The following LRRC7 variants were observed in gnomAD, a reference collection of about 807,000 sequenced individuals.
LRRC7 encodes leucine rich repeat containing 7.
Under a neutral mutation model 175.7 loss-of-function variants are expected in LRRC7, and 23 were observed. The ratio of observed to expected loss-of-function variants is 0.13; its 90% confidence interval spans 0.09 to 0.19. The LOEUF (loss-of-function observed/expected upper bound fraction) is 0.19. Ranked by LOEUF, LRRC7 falls within the 10% of genes least tolerant of loss-of-function variation. The pLI, the probability that LRRC7 is intolerant of heterozygous loss-of-function variation, is 1.00. For synonymous variants in LRRC7, 685 were observed against 680.9 expected (o/e 1.01, Z -0.09); for missense variants, 1,354 against 1,904.7 (o/e 0.71, Z 5.38).
rs567518294 is a variant in LRRC7 at position 70,064,849 on chromosome 1, C to A, written c.4231-11228C>A. Among the ~76,000 whole-genome samples, 6 of 151,852 alleles carry A rather than the reference C, an allele frequency of 4.0e-5. No individual in the cohort carries two copies. In the East Asian group the frequency reaches 9.7e-4, roughly 24 times the overall value. On this transcript the variant is annotated intron_variant, in intron 23 of 26. Coordinates refer to ENST00000651989, the MANE Select transcript of LRRC7 (RefSeq NM_001370785.2). Reference sequence around the variant, plus strand: ...AAACATTTACAAGTTCTTTAGTGACCTTTGTGAATCTCAGAACAAAAAGAA... The same window carrying A: ...AAACATTTACAAGTTCTTTAGTGACATTTGTGAATCTCAGAACAAAAAGAA...
At chr1:70,006,983 T>C in intron 11 of LRRC7, among the ~76,000 whole-genome samples, 1 of 152,182 alleles carries the variant, frequency 6.6e-6, no homozygotes, top group East Asian at 1.9e-4. Context: ...AGCATTTCTG[T>C]GTGTTTAGCA....
chr1:69,818,716 A>G (rs545516867), intron 4 of LRRC7, among the ~76,000 whole-genome samples: 101 of 152,252 alleles, frequency 6.6e-4, no homozygotes, highest in Non-Finnish European at 1.1e-3. Context: ...TTCACAGTGA[A>G]GTCATAGGGT....
intron 25 of LRRC7, among the ~76,000 whole-genome samples, chr1:70,092,235 A>C (rs1358920885): frequency 6.6e-6 from 1 of 152,166 alleles, no homozygotes; most frequent in Non-Finnish European, 1.5e-5. Context: ...TTGGTTTTTC[A>C]TGAAATGGCT....
intron 22 of LRRC7, among the ~76,000 whole-genome samples, chr1:70,045,421 A>C (rs1660250904): frequency 6.6e-6 from 1 of 152,078 alleles, no homozygotes; most frequent in Non-Finnish European, 1.5e-5. Flanking sequence ...AGCCAATACA[A>C]ATTGGCTCCA....
Position 70,125,728 on chromosome 1 carries a change from C to A in LRRC7, c.*3841C>A, listed in dbSNP as rs1233811967. On this transcript the variant is annotated 3_prime_UTR_variant, in exon 27 of 27. Coordinates refer to ENST00000651989, the MANE Select transcript of LRRC7 (RefSeq NM_001370785.2). Reference sequence around the variant, plus strand: ...AATGGCGTGAACCCAGGAGGCGGAGCTTGCAGTGAGCCGAGATCCCGCCAC... The same window carrying A: ...AATGGCGTGAACCCAGGAGGCGGAGATTGCAGTGAGCCGAGATCCCGCCAC... 1.5e-5 allele frequency among the ~76,000 whole-genome samples: 2 copies of A among 131,752 alleles called. No homozygotes were observed. The highest frequency in any genetic ancestry group is 5.8e-5 in the African/African-American group (2 of 34,366). 86.4% of individuals were successfully genotyped at this position (131,752 alleles called of 152,430 possible).
At chr1:69,653,955 G>A (rs1189290376) in intron 1 of LRRC7, among the ~76,000 whole-genome samples, 1 of 151,994 alleles carries the variant, frequency 6.6e-6, no homozygotes, top group Non-Finnish European at 1.5e-5. Flanking sequence ...CAGGAGTTGA[G>A]AGGAGGAGAA....
intron 2 of LRRC7, among the ~76,000 whole-genome samples, chr1:69,694,789 C>T (rs1040240271): frequency 1.3e-5 from 2 of 151,866 alleles, no homozygotes; most frequent in Non-Finnish European, 2.9e-5. Context: ...TGCCAGTTCA[C>T]CCTTTGACTT....
chr1:69,703,952 G>T (rs71651424), intron 2 of LRRC7, among the ~76,000 whole-genome samples: 6 of 151,896 alleles, frequency 4.0e-5, no homozygotes, highest in African/African-American at 1.4e-4. Context: ...CTTATTTATA[G>T]GTGTTCTAGG....
At chr1:70,116,314 G>A (rs557077220) in intron 26 of LRRC7, among the ~76,000 whole-genome samples, 37 of 152,274 alleles carry the variant, frequency 2.4e-4, no homozygotes, top group African/African-American at 8.4e-4. Flanking sequence ...TTGGGAGGCC[G>A]AGGCAGGCGC....
At chr1:69,689,171 A>G (rs1661540631) in intron 2 of LRRC7, among the ~76,000 whole-genome samples, 1 of 152,074 alleles carries the variant, frequency 6.6e-6, no homozygotes, top group Non-Finnish European at 1.5e-5. Context: ...TTAAAACCAG[A>G]CTCACTTCCC....
intron 7 of LRRC7, among the ~76,000 whole-genome samples, chr1:69,923,749 G>A (rs932066469): frequency 2.0e-5 from 3 of 151,850 alleles, no homozygotes; most frequent in Non-Finnish European, 4.4e-5. Context: ...CCATTTTGTG[G>A]GTTGCCTGTT....
intron 23 of LRRC7, among the ~76,000 whole-genome samples, chr1:70,059,176 T>C (rs1661383448): frequency 6.6e-6 from 1 of 152,226 alleles, no homozygotes; most frequent in Non-Finnish European, 1.5e-5. Flanking sequence ...TCAGTGACTC[T>C]TTCCACCCTG....
chr1:69,786,661 G>T (rs1047641982), intron 3 of LRRC7, among the ~76,000 whole-genome samples: 7 of 152,026 alleles, frequency 4.6e-5, no homozygotes, highest in African/African-American at 1.4e-4. Context: ...CTTGTTCAGG[G>T]AAACTCCCCT....
chr1:69,816,418 C>A (rs1678611076), intron 4 of LRRC7, among the ~76,000 whole-genome samples: 1 of 152,146 alleles, frequency 6.6e-6, no homozygotes. Context: ...TGGGAGGATA[C>A]AAATATTCAA....
intron 1 of LRRC7, among the ~76,000 whole-genome samples, chr1:69,605,641 C>T (rs1270276255): frequency 2.0e-5 from 3 of 152,072 alleles, no homozygotes; most frequent in Non-Finnish European, 1.5e-5. Flanking sequence ...GCTTTGATTA[C>T]ATGTAGAAAA....
At position 69,654,461 on chromosome 1, in the gene LRRC7, G is replaced by A. The variant is rs957257550; in HGVS notation, c.3-23920G>A. Among the ~76,000 whole-genome samples the A allele has an allele frequency of 2.0e-5, 3 of 151,912 alleles. No individual in the cohort carries two copies. The East Asian group carries it at 5.8e-4, about 29-fold the overall frequency. On this transcript the variant is annotated intron_variant, in intron 1 of 26. Coordinates refer to ENST00000651989, the MANE Select transcript of LRRC7 (RefSeq NM_001370785.2). ...TTTTTTTCCATTTTAATTCCTGATA[G>A]AGCCTTGCTTCCAAAATTAGAGTTG...
chr1:69,817,513 G>A (rs1246507010), intron 4 of LRRC7, among the ~76,000 whole-genome samples: 1 of 151,928 alleles, frequency 6.6e-6, no homozygotes, highest in African/African-American at 2.4e-5. Context: ...GCCAATATCA[G>A]CCCGTTTTGA....
At chr1:69,914,401 C>T (rs575495898) in intron 7 of LRRC7, among the ~76,000 whole-genome samples, 2 of 152,318 alleles carry the variant, frequency 1.3e-5, no homozygotes, top group African/African-American at 4.8e-5. Context: ...ACTGCTTCAA[C>T]TGGAATATTT....
intron 10 of LRRC7, among the ~76,000 whole-genome samples, chr1:69,988,570 A>G (rs1249902868): frequency 6.6e-6 from 1 of 152,240 alleles, no homozygotes; most frequent in Non-Finnish European, 1.5e-5. Context: ...GAAATAAGAA[A>G]TAGAAGGACT....
Sources: allele counts gnomAD v4.1 joint callset (sites outside exome capture counted in the v4.1 genomes callset), GRCh38; gene constraint gnomAD v4.1.1; transcripts MANE v1.5; gene names NCBI Gene and HGNC (gene_info 2026-07-23, HGNC 2026-07-21).